LINGO2: variants seen among roughly 807,000 people sequenced by gnomAD.
The protein encoded by LINGO2 is leucine-rich repeat and immunoglobulin-like domain-containing nogo receptor-interacting protein 2.
A neutral mutation model predicts 30.6 loss-of-function variants in LINGO2; 14 were observed. The observed-to-expected ratio is 0.46, with a 90% confidence interval of 0.30 to 0.72. The LOEUF (loss-of-function observed/expected upper bound fraction) is 0.72. Among genes scored for constraint, LINGO2 ranks in the 30% least tolerant of loss-of-function variants. The pLI is 0.07. For missense variants in LINGO2, 729 were observed against 751.7 expected (o/e 0.97, Z 0.35); for synonymous variants, 317 against 288.5 (o/e 1.10, Z -1.00).
intron 5 of LINGO2, among the ~76,000 whole-genome samples, chr9:27,958,815 G>T (rs368315132): frequency 6.6e-6 from 1 of 152,100 alleles, no homozygotes; most frequent in Non-Finnish European, 1.5e-5. Context: ...GTTAGAAAGT[G>T]TTCCTTGATT....
At chr9:28,454,898 A>T (rs1337721060) in intron 2 of LINGO2, among the ~76,000 whole-genome samples, 1 of 152,068 alleles carries the variant, frequency 6.6e-6, no homozygotes, top group Admixed American at 6.6e-5. Context: ...AAAAAATACT[A>T]CTTAACCATC....
the LINGO2 span, among the ~76,000 whole-genome samples, chr9:29,189,102 G>A: frequency 2.9e-5 from 2 of 68,808 alleles, no homozygotes; most frequent in African/African-American, 8.1e-5. Context: ...CTGGCCGACC[G>A]CCCCGCCTCC....
At chr9:29,205,307 G>A in the LINGO2 span, among the ~76,000 whole-genome samples, 2 of 152,094 alleles carry the variant, frequency 1.3e-5, no homozygotes, top group African/African-American at 2.4e-5. Flanking sequence ...CCAAAGTGCT[G>A]GGATTATAGG....
chr9:28,551,651 T>G (rs1176525933), intron 1 of LINGO2, among the ~76,000 whole-genome samples: 1 of 152,096 alleles, frequency 6.6e-6, no homozygotes, highest in Non-Finnish European at 1.5e-5. Context: ...TCAAATAGTT[T>G]GCATGATTCT....
the LINGO2 span, among the ~76,000 whole-genome samples, chr9:28,900,128 G>A: frequency 6.6e-6 from 1 of 151,934 alleles, no homozygotes; most frequent in African/African-American, 2.4e-5. Context: ...CAGGCACCAG[G>A]CCAGTACCCA....
the LINGO2 span, among the ~76,000 whole-genome samples, chr9:28,878,019 G>T: frequency 6.6e-6 from 1 of 151,852 alleles, no homozygotes; most frequent in African/African-American, 2.4e-5. Flanking sequence ...AAGCAATTGT[G>T]AAACCCTTCA....
At chr9:28,245,480 G>C (rs548409966) in intron 4 of LINGO2, among the ~76,000 whole-genome samples, 10 of 152,224 alleles carry the variant, frequency 6.6e-5, no homozygotes, top group East Asian at 1.9e-4. Flanking sequence ...AATAAAAAAA[G>C]GTTTTCAATT....
At chr9:28,746,098 T>C in the LINGO2 span, among the ~76,000 whole-genome samples, 3 of 152,040 alleles carry the variant, frequency 2.0e-5, no homozygotes, top group African/African-American at 7.3e-5. Flanking sequence ...GAGAAAATTA[T>C]AGATGAGATT....
chr9:28,018,755 A>G (rs565960817), intron 4 of LINGO2, among the ~76,000 whole-genome samples: 1 of 152,312 alleles, frequency 6.6e-6, no homozygotes, highest in Non-Finnish European at 1.5e-5. Context: ...GGGAATGTAA[A>G]TTAGTTCAGC....
intron 2 of LINGO2, among the ~76,000 whole-genome samples, chr9:28,461,600 T>C (rs1055591321): frequency 6.6e-6 from 1 of 152,160 alleles, no homozygotes; most frequent in African/African-American, 2.4e-5. Context: ...TCCTGAAAGA[T>C]AGGGCTCACT....
At chr9:28,224,366 G>A (rs558900429) in intron 4 of LINGO2, among the ~76,000 whole-genome samples, 30 of 152,190 alleles carry the variant, frequency 2.0e-4, no homozygotes, top group African/African-American at 7.0e-4. Flanking sequence ...ACCTGGCCCA[G>A]AATTTTTTAT....
the LINGO2 span, among the ~76,000 whole-genome samples, chr9:29,199,697 T>A: frequency 6.6e-6 from 1 of 152,148 alleles, no homozygotes; most frequent in Non-Finnish European, 1.5e-5. Context: ...AAAAGAAATG[T>A]CACTATTCAT....
intron 4 of LINGO2, among the ~76,000 whole-genome samples, chr9:28,222,457 A>G (rs1031459731): frequency 1.3e-5 from 2 of 152,294 alleles, no homozygotes; most frequent in African/African-American, 4.8e-5. Context: ...CCATTGGCAT[A>G]CAGAATTTTA....
intron 2 of LINGO2, among the ~76,000 whole-genome samples, chr9:28,418,795 G>T (rs1321979723): frequency 6.6e-6 from 1 of 151,872 alleles, no homozygotes; most frequent in Non-Finnish European, 1.5e-5. Flanking sequence ...GATTGCAAAA[G>T]GAAATGTCTG....
intron 4 of LINGO2, among the ~76,000 whole-genome samples, chr9:28,125,391 A>G (rs1394208003): frequency 6.6e-6 from 1 of 152,244 alleles, no homozygotes; most frequent in East Asian, 1.9e-4. Context: ...AGAGGATACT[A>G]AAAACAAAAC....
At chr9:28,850,721 G>C in the LINGO2 span, among the ~76,000 whole-genome samples, 2 of 152,018 alleles carry the variant, frequency 1.3e-5, no homozygotes, top group Non-Finnish European at 2.9e-5. Flanking sequence ...TATGGCATGA[G>C]TTAGAAATGA....
At chr9:28,590,593 C>G (rs1406211354) in intron 1 of LINGO2, among the ~76,000 whole-genome samples, 1 of 152,012 alleles carries the variant, frequency 6.6e-6, no homozygotes, top group East Asian at 1.9e-4. Flanking sequence ...AAATGCAAAT[C>G]AAAACCACAA....
At chr9:28,211,941 T>C (rs889510402) in intron 4 of LINGO2, among the ~76,000 whole-genome samples, 1 of 151,386 alleles carries the variant, frequency 6.6e-6, no homozygotes, top group African/African-American at 2.4e-5. Context: ...TTTTTTTTTA[T>C]CGATTACTTT....
chr9:28,346,993 T>C (rs1305227516), intron 3 of LINGO2, among the ~76,000 whole-genome samples: 5 of 152,156 alleles, frequency 3.3e-5, no homozygotes, highest in Non-Finnish European at 7.4e-5. Context: ...GTTTACTCTG[T>C]TGATAATTTC....
Sources: allele counts gnomAD v4.1 joint callset (sites outside exome capture counted in the v4.1 genomes callset), GRCh38; gene constraint gnomAD v4.1.1; transcripts MANE v1.5; gene names NCBI Gene and HGNC (gene_info 2026-07-23, HGNC 2026-07-21).